HTR1F: variants seen among roughly 807,000 people sequenced by gnomAD.
HTR1F encodes 5-hydroxytryptamine (serotonin) receptor 1F, G protein-coupled.
In HTR1F, 17 loss-of-function variants were observed where a neutral mutation model predicts 24.0. The observed-to-expected ratio is 0.71, with a 90% CI of 0.48 to 1.06. HTR1F has a LOEUF of 1.06. HTR1F is among the 50% of genes least tolerant of loss of function. The pLI, the probability that HTR1F is intolerant of heterozygous loss-of-function variation, is 0.00. For missense variants in HTR1F, 391 were observed against 427.8 expected (o/e 0.91, Z 0.76); for synonymous variants, 186 against 156.8 (o/e 1.19, Z -1.39).
chr3:87,836,317 T>C (rs1327706107), intron 2 of HTR1F, among the ~76,000 whole-genome samples: 1 of 152,210 alleles, frequency 6.6e-6, no homozygotes, highest in Non-Finnish European at 1.5e-5. Context: ...TGTTGGGTTT[T>C]TTTGATATGA....
chr3:87,952,180 C>T (rs925537066), intron 2 of HTR1F, among the ~76,000 whole-genome samples: 4 of 151,986 alleles, frequency 2.6e-5, no homozygotes, highest in African/African-American at 9.7e-5. Context: ...TCTACATTGA[C>T]TCAGGTAAGA....
intron 2 of HTR1F, among the ~76,000 whole-genome samples, chr3:87,885,248 A>G (rs1295706260): frequency 6.6e-6 from 1 of 152,226 alleles, no homozygotes; most frequent in Non-Finnish European, 1.5e-5. Context: ...ACTACTGGGT[A>G]GATAACGAAA....
chr3:87,991,919 A>G lies in HTR1F; in HGVS notation c.*69A>G. ...AGGAATAACTAGATGAATGCCAAATAATAAAACACTTAAGCTTTTAGAGGG... is the reference window on the plus strand; with the variant it reads ...AGGAATAACTAGATGAATGCCAAATGATAAAACACTTAAGCTTTTAGAGGG... On this transcript the variant is annotated 3_prime_UTR_variant, in exon 3 of 3. Transcript: ENST00000319595. The G allele has an allele frequency of 7.6e-7, 1 of 1,315,810 alleles. No homozygotes were observed. 81.5% of individuals were successfully genotyped at this position (1,315,810 alleles called of 1,614,324 possible).
At chr3:87,987,876 G>A (rs775568230) in intron 2 of HTR1F, among the ~76,000 whole-genome samples, 2 of 146,506 alleles carry the variant, frequency 1.4e-5, no homozygotes, top group African/African-American at 2.5e-5. Flanking sequence ...ATATATGCCA[G>A]TGTAAAATAA....
At chr3:87,874,549 G>A (rs2107264962) in intron 2 of HTR1F, among the ~76,000 whole-genome samples, 2 of 151,622 alleles carry the variant, frequency 1.3e-5, no homozygotes, top group East Asian at 1.9e-4. Context: ...TATTAATATT[G>A]TGAAAGTGCC....
intron 2 of HTR1F, among the ~76,000 whole-genome samples, chr3:87,934,265 G>A (rs1704357822): frequency 6.6e-6 from 1 of 152,214 alleles, no homozygotes; most frequent in Admixed American, 6.5e-5. Flanking sequence ...CACATGCTAA[G>A]AGTTTAACAT....
intron 2 of HTR1F, among the ~76,000 whole-genome samples, chr3:87,962,100 ATTT>A (rs541491146): frequency 8.5e-4 from 130 of 152,074 alleles, no homozygotes; most frequent in Admixed American, 2.3e-3. Context: ...AAAAATAAAG[ATTT>A]TTTTTAGTTT....
chr3:87,898,551 T>G (rs1204756728), intron 2 of HTR1F, among the ~76,000 whole-genome samples: 2 of 152,178 alleles, frequency 1.3e-5, no homozygotes, highest in Non-Finnish European at 2.9e-5. Context: ...GATTCAATTC[T>G]TCTCTAACAT....
chr3:87,864,069 G>A (rs1426416277), intron 2 of HTR1F, among the ~76,000 whole-genome samples: 1 of 152,026 alleles, frequency 6.6e-6, no homozygotes, highest in East Asian at 1.9e-4. Flanking sequence ...TGATACTTCT[G>A]CCTCCATCCT....
At chr3:87,841,037 A>C (rs1201165947) in intron 2 of HTR1F, among the ~76,000 whole-genome samples, 3 of 151,960 alleles carry the variant, frequency 2.0e-5, no homozygotes, top group Non-Finnish European at 4.4e-5. Flanking sequence ...AAATATAATT[A>C]ATAATTTTGT....
At chr3:87,868,899 T>C (rs1705482925) in intron 2 of HTR1F, among the ~76,000 whole-genome samples, 1 of 152,038 alleles carries the variant, frequency 6.6e-6, no homozygotes, top group Non-Finnish European at 1.5e-5. Context: ...ACTTTTTAAA[T>C]TATTGGTAAT....
intron 2 of HTR1F, among the ~76,000 whole-genome samples, chr3:87,938,739 C>A (rs144969497): frequency 6.6e-6 from 1 of 152,050 alleles, no homozygotes; most frequent in African/African-American, 2.4e-5. Context: ...TAGCCATATG[C>A]GGAAGATTGA....
At chr3:87,978,790 A>C (rs1260244520) in intron 2 of HTR1F, among the ~76,000 whole-genome samples, 1 of 147,302 alleles carries the variant, frequency 6.8e-6, no homozygotes, top group Non-Finnish European at 1.5e-5. Flanking sequence ...GAGGGAAAGA[A>C]AGAGAGAGAT....
At chr3:87,876,601 A>C (rs1295190824) in intron 2 of HTR1F, among the ~76,000 whole-genome samples, 1 of 152,200 alleles carries the variant, frequency 6.6e-6, no homozygotes, top group Non-Finnish European at 1.5e-5. Context: ...CAAAGACTGC[A>C]TGGTTCCACT....
intron 1 of HTR1F, among the ~76,000 whole-genome samples, chr3:87,797,715 T>C (rs998023482): frequency 6.6e-6 from 1 of 152,022 alleles, no homozygotes; most frequent in African/African-American, 2.4e-5. Flanking sequence ...GATGAGGAAA[T>C]TAATACTATG....
rs1003555189 is a variant in HTR1F, at chr3:87,906,434, A to G, written c.-42-84274A>G. On this transcript the variant is annotated intron_variant, in intron 2 of 2. Coordinates refer to ENST00000319595, the MANE Select transcript of HTR1F (RefSeq NM_001322209.2). The stretch of plus-strand genomic sequence containing the variant: ...AATAATTTTTATAATGTTTTCTCAC[A>G]TTCAATTTTGAAATAAAAATCTTTT... Among the ~76,000 whole-genome samples, 47 of 152,132 alleles carry G rather than the reference A, an allele frequency of 3.1e-4. 2 individuals carry two copies. Among genetic ancestry groups the G allele is most frequent in the Non-Finnish European group, 1.3e-4 (9 of 68,000 alleles).
At chr3:87,852,186 GT>G (rs1184947341) in intron 2 of HTR1F, among the ~76,000 whole-genome samples, 1 of 151,462 alleles carries the variant, frequency 6.6e-6, no homozygotes, top group Non-Finnish European at 1.5e-5. Context: ...ATTACCCATA[GT>G]TTTTTGCCCA....
At chr3:87,826,870 G>T (rs1272356052) in intron 2 of HTR1F, among the ~76,000 whole-genome samples, 1 of 151,984 alleles carries the variant, frequency 6.6e-6, no homozygotes, top group South Asian at 2.1e-4. Context: ...GAGTGCAGTG[G>T]TGTGCTCTTG....
chr3:87,893,614 C>T (rs368044233), intron 2 of HTR1F, among the ~76,000 whole-genome samples: 11 of 152,186 alleles, frequency 7.2e-5, no homozygotes, highest in African/African-American at 1.4e-4. Context: ...AGTGTTTAAG[C>T]GCAATGGCCT....
Sources: allele counts gnomAD v4.1 joint callset (sites outside exome capture counted in the v4.1 genomes callset), GRCh38; gene constraint gnomAD v4.1.1; transcripts MANE v1.5; gene names NCBI Gene and HGNC (gene_info 2026-07-23, HGNC 2026-07-21).